ADAM18: variants seen among roughly 807,000 people sequenced by gnomAD.
ADAM18 encodes ADAM metallopeptidase domain 18.
ADAM18 carries 117 observed loss-of-function variants against 94.4 expected under a neutral mutation model. The observed-to-expected ratio is 1.24, with a 90% CI of 1.07 to 1.45. The LOEUF is 1.45. Among genes scored for constraint, ADAM18 ranks in the 40% most tolerant of loss-of-function variants. The pLI, the probability that ADAM18 is intolerant of heterozygous loss-of-function variation, is 0.00. For missense variants in ADAM18, 936 were observed against 880.0 expected, an observed-to-expected ratio of 1.06 and a Z score of -0.81; for synonymous variants, 327 against 291.6, an observed-to-expected ratio of 1.12 and a Z score of -1.24.
chr8:39,650,899 G>T (rs1050577744), intron 12 of ADAM18, among the ~76,000 whole-genome samples: 1 of 152,090 alleles, frequency 6.6e-6, no homozygotes, highest in African/African-American at 2.4e-5. Flanking sequence ...AGAAAGAAAA[G>T]TGGACCCAGG....
At chr8:39,648,677 A>C in intron 12 of ADAM18, 150 bp downstream of exon 12, 1 of 787,332 alleles carries the variant, frequency 1.3e-6, no homozygotes, top group Non-Finnish European at 1.9e-6. Flanking sequence ...AAGATGTATA[A>C]ATCACGTTCC....
chr8:39,702,028 G>A (rs764867416), intron 17 of ADAM18, among the ~76,000 whole-genome samples: 1 of 152,128 alleles, frequency 6.6e-6, no homozygotes, highest in Non-Finnish European at 1.5e-5. Context: ...TGGGTTGAAT[G>A]GGATTTCTGT....
At chr8:39,604,692 A>C in intron 2 of ADAM18, 1 of 152,216 alleles carries the variant, frequency 6.6e-6, no homozygotes, top group African/African-American at 2.4e-5. Context: ...GCCTCCCCAG[A>C]AGCCAAGCAG....
chr8:39,626,851 T>C (rs931485247), intron 6 of ADAM18, among the ~76,000 whole-genome samples: 5 of 152,168 alleles, frequency 3.3e-5, no homozygotes, highest in Admixed American at 6.6e-5. Context: ...GAATGTTCTA[T>C]GTGTTGATGA....
chr8:39,658,927 TC>T (rs1274500904), intron 12 of ADAM18, among the ~76,000 whole-genome samples: 1 of 152,170 alleles, frequency 6.6e-6, no homozygotes, highest in Admixed American at 6.5e-5. Context: ...GAGGAGTACT[TC>T]CTATATTCTC....
chr8:39,629,341 C>T, intron 6 of ADAM18, 33 bp from the exon 7 acceptor site: 1 of 1,491,962 alleles, frequency 6.7e-7, no homozygotes, highest in Non-Finnish European at 9.2e-7. Flanking sequence ...TACATGTTAA[C>T]ATTTTATAAA....
chr8:39,626,393 C>T (rs1202384422), intron 6 of ADAM18, among the ~76,000 whole-genome samples: 2 of 151,750 alleles, frequency 1.3e-5, no homozygotes, highest in Non-Finnish European at 2.9e-5. Context: ...ATTTTTGTTT[C>T]AATTTCATTT....
chr8:39,639,987 G>A (rs149340647), intron 10 of ADAM18, among the ~76,000 whole-genome samples: 1 of 152,020 alleles, frequency 6.6e-6, no homozygotes, highest in Non-Finnish European at 1.5e-5. Context: ...AGTAAATTGT[G>A]TGAAAGTTAT....
At chr8:39,631,211 G>A in intron 7 of ADAM18, among the ~76,000 whole-genome samples, 1 of 151,982 alleles carries the variant, frequency 6.6e-6, no homozygotes, top group South Asian at 2.1e-4. Flanking sequence ...CTGAACCACA[G>A]TTAATTTAAG....
intron 19 of ADAM18, among the ~76,000 whole-genome samples, chr8:39,727,054 AC>A (rs1822935001): frequency 6.6e-6 from 1 of 152,318 alleles, no homozygotes; most frequent in South Asian, 2.1e-4. Context: ...AAAGTTGTAT[AC>A]ATCCTAAAAA....
At chr8:39,671,571 C>T (rs919239206) in intron 14 of ADAM18, among the ~76,000 whole-genome samples, 2 of 151,964 alleles carry the variant, frequency 1.3e-5, no homozygotes, top group East Asian at 3.9e-4. Flanking sequence ...TTTGGGGTTC[C>T]AATTGGGAGA....
At chr8:39,650,087 T>C (rs1051203268) in intron 12 of ADAM18, among the ~76,000 whole-genome samples, 3 of 152,200 alleles carry the variant, frequency 2.0e-5, no homozygotes, top group African/African-American at 7.2e-5. Context: ...GGGAATTTAT[T>C]GAGTAATTTG....
At chr8:39,650,491 C>G (rs562377295) in intron 12 of ADAM18, among the ~76,000 whole-genome samples, 2 of 152,214 alleles carry the variant, frequency 1.3e-5, no homozygotes, top group South Asian at 4.1e-4. Flanking sequence ...TCTTCCTACA[C>G]TAACAACAAA....
chr8:39,632,267 A>G (rs1819950995), intron 7 of ADAM18, among the ~76,000 whole-genome samples: 1 of 151,828 alleles, frequency 6.6e-6, no homozygotes, highest in African/African-American at 2.4e-5. Flanking sequence ...GTACAATGTT[A>G]AATAGACTGA....
At position 39,730,039 on chromosome 8, in the gene ADAM18, G is replaced by T; in HGVS notation, c.*99G>T. 7.9e-7 allele frequency: 1 copy of T among 1,268,760 alleles called. No homozygotes were observed. Among genetic ancestry groups the T allele is most frequent in the Non-Finnish European group, 1.1e-6 (1 of 875,370 alleles). The allele number at this position is 1,268,760 out of a possible 1,614,324, so 78.6% of individuals were successfully genotyped here. On this transcript the variant is annotated 3_prime_UTR_variant, in exon 20 of 20. Coordinates refer to ENST00000265707, the MANE Select transcript of ADAM18 (RefSeq NM_014237.3). The stretch of plus-strand genomic sequence containing the variant: ...AATGCATTGTAAATGTCAAACTTTT[G>T]GAAAATAAAGCCTGCGTGCCCTCCC...
intron 12 of ADAM18, among the ~76,000 whole-genome samples, chr8:39,661,319 ATTTTTTTTTTTTTT>A (rs71518171): frequency 1.3e-4 from 15 of 112,838 alleles, no homozygotes; most frequent in Non-Finnish European, 2.1e-4. Flanking sequence ...CACCCGGCAA[ATTTTTTTTTTTTTT>A]TTTTTTTTTT....
At chr8:39,700,773 C>A (rs1306039173) in intron 17 of ADAM18, among the ~76,000 whole-genome samples, 1 of 151,750 alleles carries the variant, frequency 6.6e-6, no homozygotes, top group African/African-American at 2.4e-5. Flanking sequence ...GAATTTGGAC[C>A]TGCTGTTCAT....
intron 16 of ADAM18, chr8:39,685,079 G>A (rs961085324): frequency 5.3e-5 from 8 of 152,244 alleles, no homozygotes; most frequent in Admixed American, 1.3e-4. Context: ...GATGCTCCCA[G>A]CTGAATGAAG....
At chr8:39,585,441 A>T in intron 2 of ADAM18, 89 bp downstream of exon 2, 1 of 909,694 alleles carries the variant, frequency 1.1e-6, no homozygotes, top group South Asian at 1.7e-5. Context: ...ACTAATTTGT[A>T]TTCATTGCCA....
Sources: allele counts gnomAD v4.1 joint callset (sites outside exome capture counted in the v4.1 genomes callset), GRCh38; gene constraint gnomAD v4.1.1; transcripts MANE v1.5; gene names NCBI Gene and HGNC (gene_info 2026-07-23, HGNC 2026-07-21).